CDC42BPA: variants seen among roughly 807,000 people sequenced by gnomAD.
The protein encoded by CDC42BPA is serine/threonine-protein kinase MRCK alpha.
CDC42BPA carries 80 observed loss-of-function variants against 223.5 expected under a neutral mutation model. That is an observed-to-expected ratio of 0.36 (90% CI 0.30 to 0.43). The LOEUF (loss-of-function observed/expected upper bound fraction) is 0.43. Among genes scored for constraint, CDC42BPA ranks in the 20% least tolerant of loss-of-function variants. CDC42BPA has a pLI of 1.00. For missense variants in CDC42BPA, 1,743 were observed against 2,099.9 expected (o/e 0.83, Z 3.32); for synonymous variants, 694 against 718.6 (o/e 0.97, Z 0.55).
chr1:227,154,628 T>TA (rs905928307), intron 6 of CDC42BPA, among the ~76,000 whole-genome samples: 1 of 151,948 alleles, frequency 6.6e-6, no homozygotes, highest in African/African-American at 2.4e-5. Flanking sequence ...CAGGTAACAT[T>TA]AAAAAATCCA....
At chr1:227,001,624 G>T (rs1363980285) in intron 35 of CDC42BPA, among the ~76,000 whole-genome samples, 2 of 152,152 alleles carry the variant, frequency 1.3e-5, no homozygotes, top group African/African-American at 2.4e-5. Flanking sequence ...AATGTGAACT[G>T]GGCTGGGCGC....
chr1:227,144,755 TTTGGCTA>T (rs1171719997), intron 8 of CDC42BPA, among the ~76,000 whole-genome samples: 8 of 152,138 alleles, frequency 5.3e-5, no homozygotes. Context: ...GGTTGAATTA[TTTGGCTA>T]TTGGACTGGC....
chr1:227,299,037 A>G (rs1691192741), intron 1 of CDC42BPA, among the ~76,000 whole-genome samples: 4 of 152,192 alleles, frequency 2.6e-5, no homozygotes, highest in Non-Finnish European at 5.9e-5. Flanking sequence ...AAGTCATTCT[A>G]TGAAAGAAGA....
At chr1:227,163,138 GTGTA>G (rs1453266312) in intron 5 of CDC42BPA, among the ~76,000 whole-genome samples, 1,270 of 76,818 alleles carry the variant, frequency 0.017, 18 homozygotes, top group African/African-American at 0.048. Flanking sequence ...ACATATGTGT[GTGTA>G]TGTTTCCAAA....
At chr1:227,154,766 C>G (rs1304523559) in intron 6 of CDC42BPA, among the ~76,000 whole-genome samples, 1 of 151,946 alleles carries the variant, frequency 6.6e-6, no homozygotes, top group East Asian at 1.9e-4. Context: ...TGAGAAGATT[C>G]CATGTTATAG....
intron 1 of CDC42BPA, among the ~76,000 whole-genome samples, chr1:227,315,446 T>TA (rs1304913057): frequency 6.6e-6 from 1 of 152,088 alleles, no homozygotes; most frequent in African/African-American, 2.4e-5. Flanking sequence ...TACTGGTACA[T>TA]AGAGTTCTCC....
chr1:227,264,251 A>C (rs1684601007), intron 1 of CDC42BPA, among the ~76,000 whole-genome samples: 1 of 152,178 alleles, frequency 6.6e-6, no homozygotes, highest in Non-Finnish European at 1.5e-5. Flanking sequence ...GTAGAGGGCA[A>C]AATTTTCTTA....
In CDC42BPA at chr1:227,047,836, GAAAT is replaced by G. The variant is rs1572471617; in HGVS notation, c.3093+87_3093+90del. 9.1e-6 allele frequency: 6 copies of G among 658,976 alleles called. No individual in the cohort carries two copies. In the East Asian group the frequency reaches 1.4e-4, roughly 16 times the overall value. The allele number at this position is 658,976 out of a possible 1,614,324, so 40.8% of individuals were successfully genotyped here. A position where few individuals can be genotyped will look rare whatever the true frequency, so the allele number is the denominator to read the frequency against. On this transcript the variant is annotated intron_variant, in intron 23 of 36. Coordinates refer to ENST00000366766, the MANE Select transcript of CDC42BPA (RefSeq NM_001394014.1). The stretch of plus-strand genomic sequence containing the variant: ...AAGTTTTTCTGTTTGTAAATTTGAA[GAAAT>G]AATATCAAAAAAATCACAGCAAATG...
intron 1 of CDC42BPA, among the ~76,000 whole-genome samples, chr1:227,284,364 T>C (rs950249728): frequency 5.6e-4 from 85 of 152,304 alleles, no homozygotes; most frequent in African/African-American, 1.9e-3. Context: ...ATAACTACTT[T>C]GGAATTTGGA....
At chr1:227,060,221 C>T (rs1469279920) in intron 21 of CDC42BPA, among the ~76,000 whole-genome samples, 4 of 151,638 alleles carry the variant, frequency 2.6e-5, no homozygotes, top group African/African-American at 7.3e-5. Flanking sequence ...TTAATAGAGA[C>T]GGGGTTTCAC....
At chr1:227,212,100 T>C (rs1293119335) in intron 3 of CDC42BPA, among the ~76,000 whole-genome samples, 1 of 151,880 alleles carries the variant, frequency 6.6e-6, no homozygotes, top group Non-Finnish European at 1.5e-5. Context: ...TTGTTTTTTT[T>C]AGTTTAAAAA....
chr1:227,222,917 C>A (rs928568757), intron 2 of CDC42BPA, among the ~76,000 whole-genome samples: 1 of 152,162 alleles, frequency 6.6e-6, no homozygotes, highest in African/African-American at 2.4e-5. Context: ...AGGGCTGGAC[C>A]CTTGGCCCCC....
intron 3 of CDC42BPA, among the ~76,000 whole-genome samples, chr1:227,209,900 T>G (rs1200353647): frequency 6.7e-6 from 1 of 150,148 alleles, no homozygotes; most frequent in Non-Finnish European, 1.5e-5. Flanking sequence ...TTCCCTCTTT[T>G]TCTATTGATT....
At chr1:227,243,407 T>C (rs1680349260) in intron 2 of CDC42BPA, among the ~76,000 whole-genome samples, 1 of 145,590 alleles carries the variant, frequency 6.9e-6, no homozygotes, top group Non-Finnish European at 1.5e-5. Context: ...CTTAAAAGTT[T>C]CTTTGCAATT....
intron 2 of CDC42BPA, among the ~76,000 whole-genome samples, chr1:227,237,431 T>C (rs1048797268): frequency 6.6e-6 from 1 of 152,180 alleles, no homozygotes; most frequent in African/African-American, 2.4e-5. Flanking sequence ...TACCTACCTC[T>C]GTTTAACAAA....
chr1:227,075,473 T>C (rs1679272457), intron 17 of CDC42BPA, among the ~76,000 whole-genome samples: 1 of 152,104 alleles, frequency 6.6e-6, no homozygotes, highest in South Asian at 2.1e-4. Flanking sequence ...GTCTTTGGAG[T>C]ATAAGCAAAA....
At chr1:227,069,360 GT>G (rs1330996672) in intron 21 of CDC42BPA, 1 of 153,952 alleles carries the variant, frequency 6.5e-6, no homozygotes, top group Non-Finnish European at 1.4e-5. Context: ...TTACTGTATA[GT>G]TTTTAAAAGA....
chr1:227,110,717 TC>T (rs1243528511), intron 14 of CDC42BPA, among the ~76,000 whole-genome samples: 1 of 152,214 alleles, frequency 6.6e-6, no homozygotes, highest in African/African-American at 2.4e-5. Context: ...TGTAATTACT[TC>T]TACATACTAA....
chr1:227,262,084 A>G (rs1386765029), intron 1 of CDC42BPA, among the ~76,000 whole-genome samples: 1 of 152,196 alleles, frequency 6.6e-6, no homozygotes, highest in East Asian at 1.9e-4. Flanking sequence ...TAGAACACCA[A>G]AATGGGGAAA....
Sources: allele counts gnomAD v4.1 joint callset (sites outside exome capture counted in the v4.1 genomes callset), GRCh38; gene constraint gnomAD v4.1.1; transcripts MANE v1.5; gene names NCBI Gene and HGNC (gene_info 2026-07-23, HGNC 2026-07-21).